Variants in VWDE observed in about 807,000 individuals in gnomAD.
VWDE encodes the protein von Willebrand factor D and EGF domain-containing protein.
In VWDE, 207 loss-of-function variants were observed where a neutral mutation model predicts 178.4. The observed-to-expected ratio is 1.16, with a 90% CI of 1.04 to 1.30. The LOEUF (loss-of-function observed/expected upper bound fraction) is 1.30, where lower values mean the gene tolerates loss of function less well. VWDE is among the 50% of genes most tolerant of loss of function. The pLI is 0.00. For synonymous variants in VWDE, 738 were observed against 651.4 expected, an observed-to-expected ratio of 1.13 and a Z score of -2.02; for missense variants, 2,287 against 1,901.3, an observed-to-expected ratio of 1.20 and a Z score of -3.77.
chr7:12,391,123 G>C (rs1191997585), intron 2 of VWDE, among the ~76,000 whole-genome samples: 1 of 151,982 alleles, frequency 6.6e-6, no homozygotes, highest in Non-Finnish European at 1.5e-5. Flanking sequence ...TTTTTCAATT[G>C]AACATATAAC....
intron 7 of VWDE, among the ~76,000 whole-genome samples, chr7:12,376,404 C>A (rs1014833751): frequency 1.2e-4 from 18 of 151,986 alleles, no homozygotes; most frequent in Non-Finnish European, 4.4e-5. Context: ...CTTCAACAAA[C>A]AAAAGCCATT....
intron 3 of VWDE, among the ~76,000 whole-genome samples, chr7:12,384,815 C>G (rs1185174318): frequency 6.6e-6 from 1 of 152,052 alleles, no homozygotes; most frequent in East Asian, 1.9e-4. Flanking sequence ...ACTATCTAAA[C>G]AAAGGTAGGC....
At chr7:12,372,357 G>A (rs766121013) in intron 10 of VWDE, among the ~76,000 whole-genome samples, 4 of 151,786 alleles carry the variant, frequency 2.6e-5, no homozygotes, top group Non-Finnish European at 5.9e-5. Flanking sequence ...TTTCACTTCA[G>A]TAAATATTAT....
intron 24 of VWDE, 75 bp downstream of exon 24, chr7:12,340,247 C>A: frequency 8.7e-7 from 1 of 1,156,004 alleles, no homozygotes. Flanking sequence ...TGAAACTTGT[C>A]TCATGTTTAC....
intron 19 of VWDE, among the ~76,000 whole-genome samples, chr7:12,346,473 G>A (rs1781603984): frequency 1.3e-5 from 2 of 152,140 alleles, no homozygotes; most frequent in South Asian, 4.1e-4. Context: ...CAAAAATTGG[G>A]AAATTATATA....
chr7:12,379,098 T>A (rs896444379), intron 6 of VWDE, among the ~76,000 whole-genome samples: 12 of 152,174 alleles, frequency 7.9e-5, no homozygotes, highest in Non-Finnish European at 1.2e-4. Flanking sequence ...AACTCATAGC[T>A]CTGGGTCAAT....
intron 7 of VWDE, among the ~76,000 whole-genome samples, chr7:12,376,144 G>C (rs1298352036): frequency 6.6e-6 from 1 of 150,758 alleles, no homozygotes; most frequent in Admixed American, 6.7e-5. Flanking sequence ...AAAAATAACA[G>C]AAACATTCAA....
intron 21 of VWDE, among the ~76,000 whole-genome samples, chr7:12,343,897 A>G (rs1781459833): frequency 6.6e-6 from 1 of 152,232 alleles, no homozygotes; most frequent in Middle Eastern, 3.4e-3. Flanking sequence ...GCTTGAAGCT[A>G]AAACATTTGT....
At chr7:12,401,215 CA>C (rs1415098557) in intron 1 of VWDE, among the ~76,000 whole-genome samples, 2 of 152,156 alleles carry the variant, frequency 1.3e-5, no homozygotes, top group Non-Finnish European at 2.9e-5. Flanking sequence ...TAATTCTACC[CA>C]GGGGGATTAA....
Position 12,370,704 on chromosome 7 carries a change from T to G in VWDE, c.1748A>C (p.Gln583Pro). The G allele has an allele frequency of 6.4e-7, 1 of 1,551,252 alleles. No homozygotes were observed. Among genetic ancestry groups the G allele is most frequent in the Non-Finnish European group, 8.7e-7 (1 of 1,146,700 alleles). ...ATAATTGTTAAAATTTTGATCAATT[T>G]GCATCCCATTTTTGTCATGGAAATC... ...ENDFHDKNGM[Q>P]IDQNFNNYVA... The change falls in exon 11 of 29, where the codon CAA (glutamine) becomes CCA (proline). Residue 583 changes from glutamine (Q) to proline (P), a missense_variant. By Grantham distance (76) the Gln-to-Pro change is moderately conservative. Coordinates refer to ENST00000275358, the MANE Select transcript of VWDE (RefSeq NM_001135924.3).
intron 19 of VWDE, among the ~76,000 whole-genome samples, chr7:12,350,437 AC>A (rs1320237126): frequency 6.6e-6 from 1 of 152,156 alleles, no homozygotes; most frequent in Non-Finnish European, 1.5e-5. Flanking sequence ...AACATTTAAA[AC>A]CCACTCCCAA....
At chr7:12,397,087 A>G (rs900744426) in intron 1 of VWDE, among the ~76,000 whole-genome samples, 2 of 152,168 alleles carry the variant, frequency 1.3e-5, no homozygotes, top group African/African-American at 2.4e-5. Context: ...ATTCATATAG[A>G]GCCAAAAAAG....
At chr7:12,385,067 T>C (rs1017789422) in intron 3 of VWDE, among the ~76,000 whole-genome samples, 12 of 152,104 alleles carry the variant, frequency 7.9e-5, no homozygotes, top group Non-Finnish European at 1.6e-4. Context: ...TTCAAATATA[T>C]AAACTTTTTT....
rs749482761 is a variant in VWDE at position 12,380,629 on chromosome 7, C to G, written c.646G>C (p.Ala216Pro). ...TGAAATCCCACTGAGTTTTTTGTAGCGGGAACATCAAAAGAACACCTACAG... is the reference window on the plus strand; with the variant it reads ...TGAAATCCCACTGAGTTTTTTGTAGGGGGAACATCAAAAGAACACCTACAG... ...LFCRCSFDVP[A>P]TKNSVGFHIA... Residue 216 changes from alanine to proline, a missense_variant, in exon 5 of 29, where the codon GCT becomes CCT. Physicochemically the swap from Ala to Pro is conservative, Grantham distance 27 (BLOSUM62 -1). Coordinates refer to ENST00000275358, the MANE Select transcript of VWDE (RefSeq NM_001135924.3). 4.4e-5 allele frequency: 69 copies of G among 1,552,064 alleles called. No homozygotes were observed. The Admixed American group carries it at 5.1e-4, about 11-fold the overall frequency.
At chr7:12,360,959 T>C (rs1035079241) in intron 15 of VWDE, among the ~76,000 whole-genome samples, 188 bp downstream of exon 15, 33 of 152,122 alleles carry the variant, frequency 2.2e-4, no homozygotes, top group African/African-American at 7.7e-4. Context: ...TTTCAAAATG[T>C]TAAAGGTAGG....
intron 27 of VWDE, 69 bp from the exon 28 acceptor site, chr7:12,333,637 T>A (rs1452514370): frequency 2.8e-6 from 3 of 1,066,998 alleles, no homozygotes; most frequent in Non-Finnish European, 2.8e-6. Context: ...TCTATCCTAG[T>A]GGTCTGGGGC....
chr7:12,333,639 G>T, intron 27 of VWDE, 71 bp from the exon 28 acceptor site: 1 of 1,036,592 alleles, frequency 9.6e-7, no homozygotes, highest in Non-Finnish European at 1.5e-6. Context: ...TATCCTAGTG[G>T]TCTGGGGCTA....
chr7:12,361,681 G>A (rs1312173958), intron 13 of VWDE, among the ~76,000 whole-genome samples, 160 bp from the exon 14 acceptor site: 1 of 152,014 alleles, frequency 6.6e-6, no homozygotes, highest in Non-Finnish European at 1.5e-5. Flanking sequence ...GTTTTATTCA[G>A]AATAACGAAA....
intron 10 of VWDE, among the ~76,000 whole-genome samples, chr7:12,372,079 C>T (rs1029204627): frequency 2.6e-5 from 4 of 151,984 alleles, no homozygotes; most frequent in Admixed American, 1.3e-4. Context: ...GATGTTCAAC[C>T]TTTATTTATC....
Sources: allele counts gnomAD v4.1 joint callset (sites outside exome capture counted in the v4.1 genomes callset), GRCh38; gene constraint gnomAD v4.1.1; transcripts MANE v1.5; gene names NCBI Gene and HGNC (gene_info 2026-07-23, HGNC 2026-07-21).